The following CNKSR2 variants were observed in gnomAD, a reference collection of about 807,000 sequenced individuals.
CNKSR2 encodes connector enhancer of kinase suppressor of Ras 2, also known as CNK homolog protein 2.
In CNKSR2, 14 loss-of-function variants were observed where a neutral mutation model predicts 84.4. The ratio of observed to expected loss-of-function variants is 0.17; its 90% confidence interval spans 0.11 to 0.26. CNKSR2 has a LOEUF of 0.26. Ranked by LOEUF, CNKSR2 falls within the 10% of genes least tolerant of loss-of-function variation. The pLI is 1.00. For synonymous variants in CNKSR2, 275 were observed against 277.9 expected (o/e 0.99, Z 0.10); for missense variants, 485 against 771.2 (o/e 0.63, Z 4.40).
chrX:21,474,387 T>G (rs946021802), intron 5 of CNKSR2, among the ~76,000 whole-genome samples: 6 of 111,690 alleles, frequency 5.4e-5, no homozygotes, highest in Non-Finnish European at 9.4e-5. Context: ...CTAGAATTGT[T>G]CACCACTATA....
At chrX:21,375,091 G>A in intron 1 of CNKSR2, 130 bp downstream of exon 1, 1 of 572,708 alleles carries the variant, frequency 1.7e-6, no homozygotes, top group Non-Finnish European at 3.0e-6. Context: ...TACGCGTCGG[G>A]GCGGGGGTCC....
chrX:21,589,044 G>A (rs1385890375), intron 13 of CNKSR2, among the ~76,000 whole-genome samples: 3 of 112,161 alleles, frequency 2.7e-5, no homozygotes, highest in Non-Finnish European at 5.6e-5. Flanking sequence ...CAGCATAATG[G>A]GTTTTATCTT....
chrX:21,561,980 C>G (rs1457192041), intron 12 of CNKSR2, among the ~76,000 whole-genome samples: 1 of 108,312 alleles, frequency 9.2e-6, no homozygotes, highest in Non-Finnish European at 1.9e-5. Flanking sequence ...GGGTTAAAAG[C>G]TAATGGAAAC....
intron 12 of CNKSR2, 25 bp from the exon 13 acceptor site, chrX:21,563,212 TG>T: frequency 2.8e-6 from 3 of 1,080,344 alleles, no homozygotes; most frequent in Non-Finnish European, 3.8e-6. Flanking sequence ...GTATTTATAT[TG>T]GTGTATTTAT....
At chrX:21,503,441 A>G (rs2091579446) in intron 8 of CNKSR2, 1 of 282,046 alleles carries the variant, frequency 3.5e-6, no homozygotes, top group Non-Finnish European at 6.2e-6. Context: ...AGTATTTTAC[A>G]TATTTTATTT....
intron 11 of CNKSR2, among the ~76,000 whole-genome samples, chrX:21,540,823 T>G (rs188193188): frequency 1.8e-5 from 2 of 112,350 alleles, no homozygotes; most frequent in Admixed American, 1.9e-4. Context: ...TATGACACAG[T>G]TCTTCATATG....
intron 8 of CNKSR2, among the ~76,000 whole-genome samples, chrX:21,510,483 T>C (rs1390337704): frequency 2.7e-5 from 3 of 111,458 alleles, no homozygotes; most frequent in Non-Finnish European, 3.8e-5. Context: ...CCAGCTGTTA[T>C]TTGGAAAGCA....
At chrX:21,627,043 T>C (rs1015640875) in intron 20 of CNKSR2, among the ~76,000 whole-genome samples, 1 of 112,021 alleles carries the variant, frequency 8.9e-6, no homozygotes, top group Non-Finnish European at 1.9e-5. Context: ...CTCAAATGTG[T>C]GTTGATTTTG....
intron 5 of CNKSR2, among the ~76,000 whole-genome samples, chrX:21,473,751 T>C (rs1354577934): frequency 1.1e-5 from 1 of 87,635 alleles, no homozygotes; most frequent in Non-Finnish European, 2.1e-5. Context: ...TTTGGTTTTT[T>C]TTTTTTTTTT....
intron 20 of CNKSR2, among the ~76,000 whole-genome samples, chrX:21,626,267 AT>A (rs1328801952): frequency 1.1e-3 from 116 of 105,138 alleles, no homozygotes; most frequent in African/African-American, 4.0e-3. Context: ...AAAAAAAAAA[AT>A]GGCATCAGCA....
intron 11 of CNKSR2, among the ~76,000 whole-genome samples, chrX:21,536,469 G>A (rs763345374): frequency 4.5e-5 from 5 of 110,761 alleles, no homozygotes; most frequent in African/African-American, 1.6e-4. Flanking sequence ...GTAGAATTCA[G>A]CAATGAAGCC....
chrX:21,501,483 T>G, intron 7 of CNKSR2, 37 bp from the exon 8 acceptor site: 1 of 927,301 alleles, frequency 1.1e-6, no homozygotes, highest in Non-Finnish European at 1.5e-6. Flanking sequence ...ACTGATAAAA[T>G]TTATGTTCTT....
intron 4 of CNKSR2, among the ~76,000 whole-genome samples, chrX:21,462,514 A>G (rs1253958970): frequency 9.0e-6 from 1 of 110,667 alleles, no homozygotes; most frequent in African/African-American, 3.3e-5. Flanking sequence ...CCCAATTTGG[A>G]TACACTTTAT....
intron 1 of CNKSR2, among the ~76,000 whole-genome samples, chrX:21,376,528 CT>C (rs997927591): frequency 1.8e-5 from 2 of 111,671 alleles, no homozygotes; most frequent in Non-Finnish European, 3.8e-5. Context: ...AGTGGCTCAT[CT>C]TTGCTGCTGC....
At chrX:21,488,086 C>A (rs1288142105) in intron 5 of CNKSR2, among the ~76,000 whole-genome samples, 1 of 111,876 alleles carries the variant, frequency 8.9e-6, no homozygotes, top group Non-Finnish European at 1.9e-5. Flanking sequence ...AGCATTGAGA[C>A]CTGAGCGTCA....
At position 21,463,643 on chromosome X, in the gene CNKSR2, A is replaced by G. The variant is rs1000694453; in HGVS notation, c.520-7123A>G. The stretch of plus-strand genomic sequence containing the variant: ...GCTGCTGCTAGTTATTCAGGGCCCA[A>G]GAGCTTTTCAGTTAGCAGGTGATGC... On this transcript the variant is annotated intron_variant, in intron 4 of 21. Transcript: ENST00000379510. Among the ~76,000 whole-genome samples, 4 of 111,238 alleles carry G rather than the reference A, an allele frequency of 3.6e-5. No homozygotes were observed. In the Admixed American group the frequency reaches 3.8e-4, roughly 11 times the overall value.
intron 14 of CNKSR2, 128 bp from the exon 15 acceptor site, chrX:21,590,894 T>C: frequency 3.5e-6 from 2 of 568,952 alleles, no homozygotes; most frequent in Non-Finnish European, 5.5e-6. Flanking sequence ...ATTTTTATAT[T>C]TTTCTAGTCT....
intron 6 of CNKSR2, among the ~76,000 whole-genome samples, chrX:21,497,542 G>A (rs1337903366): frequency 9.0e-6 from 1 of 111,137 alleles, no homozygotes; most frequent in African/African-American, 3.3e-5. Flanking sequence ...CAGTCTCACA[G>A]GCAATTCACT....
At chrX:21,436,476 T>G (rs1350735513) in intron 3 of CNKSR2, among the ~76,000 whole-genome samples, 1 of 111,851 alleles carries the variant, frequency 8.9e-6, no homozygotes, top group Non-Finnish European at 1.9e-5. Context: ...ATCTATATGA[T>G]GATTTAAGGA....
Sources: gnomAD v4.1 joint callset for allele counts (sites outside exome capture counted in the v4.1 genomes callset) on GRCh38, gnomAD v4.1.1 for gene constraint, MANE v1.5 for transcripts, NCBI Gene and HGNC (gene_info 2026-07-23, HGNC 2026-07-21) for gene names.